Variants in PDE11A observed in about 807,000 individuals in gnomAD.
PDE11A encodes dual 3',5'-cyclic-AMP and -GMP phosphodiesterase 11A.
Under a neutral mutation model 100.5 loss-of-function variants are expected in PDE11A, and 100 were observed. The ratio of observed to expected loss-of-function variants is 1.00; its 90% CI spans 0.85 to 1.18. PDE11A has a LOEUF of 1.18. Among genes scored for constraint, PDE11A ranks in the 50% most tolerant of loss-of-function variants. The pLI is 0.00. For synonymous variants in PDE11A, 381 were observed against 420.8 expected (o/e 0.91, Z 1.16); for missense variants, 1,141 against 1,152.6 (o/e 0.99, Z 0.15).
At chr2:177,966,037 AGT>A (rs1433965330) in intron 2 of PDE11A, among the ~76,000 whole-genome samples, 4 of 152,144 alleles carry the variant, frequency 2.6e-5, no homozygotes, top group Non-Finnish European at 5.9e-5. Context: ...TTTTTTCAGC[AGT>A]GTTTCGTAAT....
chr2:178,016,041 T>C (rs1460030916), intron 1 of PDE11A, among the ~76,000 whole-genome samples: 1 of 151,598 alleles, frequency 6.6e-6, no homozygotes, highest in Non-Finnish European at 1.5e-5. Context: ...CTCGGTTCAC[T>C]GCAACCTCCA....
chr2:177,821,485 T>C (rs1387050182), intron 6 of PDE11A, among the ~76,000 whole-genome samples: 1 of 151,898 alleles, frequency 6.6e-6, no homozygotes, highest in Non-Finnish European at 1.5e-5. Context: ...GATAGGCATA[T>C]ACTTATAATA....
At chr2:177,918,328 A>C (rs2695115) in intron 2 of PDE11A, among the ~76,000 whole-genome samples, 1 of 152,192 alleles carries the variant, frequency 6.6e-6, no homozygotes. Flanking sequence ...TATTCAGTCT[A>C]TCTGCAACAG....
intron 2 of PDE11A, among the ~76,000 whole-genome samples, chr2:177,935,972 C>T (rs13411527): frequency 0.086 from 13,157 of 152,240 alleles, 537 homozygotes; most frequent in South Asian, 0.099. Flanking sequence ...CTCCTCAACA[C>T]ACGTTGTCTC....
At chr2:177,876,287 C>G (rs1574242581) in intron 4 of PDE11A, among the ~76,000 whole-genome samples, 1 of 123,402 alleles carries the variant, frequency 8.1e-6, no homozygotes, top group Admixed American at 7.3e-5. Flanking sequence ...CAGGTAGGGA[C>G]AGAACACCCC....
At chr2:177,981,926 G>GA (rs1339896885) in intron 2 of PDE11A, among the ~76,000 whole-genome samples, 1 of 150,832 alleles carries the variant, frequency 6.6e-6, no homozygotes, top group African/African-American at 2.4e-5. Context: ...GCTGAATCCG[G>GA]AAAGGCAGGA....
chr2:177,776,508 A>G (rs900531191), intron 9 of PDE11A, among the ~76,000 whole-genome samples: 6 of 152,184 alleles, frequency 3.9e-5, no homozygotes, highest in Non-Finnish European at 7.3e-5. Flanking sequence ...ATTTTCAGCA[A>G]TGCTACTATT....
At chr2:177,990,765 G>A (rs930368167) in intron 2 of PDE11A, among the ~76,000 whole-genome samples, 4 of 141,442 alleles carry the variant, frequency 2.8e-5, no homozygotes, top group Admixed American at 1.4e-4. Flanking sequence ...AAAAAAAGGC[G>A]GAGGGTAGCG....
intron 17 of PDE11A, 25 bp downstream of exon 17, chr2:177,675,430 A>G (rs747023720): frequency 6.3e-7 from 1 of 1,578,598 alleles, no homozygotes; most frequent in Non-Finnish European, 8.7e-7. Context: ...TCCTCTGCTG[A>G]GCCCTGCCAT....
chr2:177,692,099 T>G (rs1043367402), intron 15 of PDE11A, among the ~76,000 whole-genome samples: 4 of 152,192 alleles, frequency 2.6e-5, no homozygotes, highest in Non-Finnish European at 5.9e-5. Context: ...TCTTTTAGGT[T>G]GACATTAATA....
intron 10 of PDE11A, among the ~76,000 whole-genome samples, chr2:177,758,296 CAAAAA>C (rs78765770): frequency 1.5e-5 from 1 of 65,014 alleles, no homozygotes; most frequent in Non-Finnish European, 3.2e-5. Flanking sequence ...GACTCCGTCT[CAAAAA>C]AAAAAAAAAA....
chr2:177,759,162 T>C (rs903947006), intron 10 of PDE11A, among the ~76,000 whole-genome samples: 3 of 143,282 alleles, frequency 2.1e-5, no homozygotes, highest in Admixed American at 2.1e-4. Context: ...TCCCGTTAAG[T>C]TGGAGCACGT....
intron 2 of PDE11A, among the ~76,000 whole-genome samples, chr2:177,926,367 G>A (rs2085124417): frequency 1.3e-5 from 2 of 152,102 alleles, no homozygotes; most frequent in Non-Finnish European, 2.9e-5. Context: ...AGCTTCAGAT[G>A]TTCTTATCTG....
intron 2 of PDE11A, among the ~76,000 whole-genome samples, chr2:177,931,924 A>T (rs967651562): frequency 6.6e-6 from 1 of 151,362 alleles, no homozygotes; most frequent in African/African-American, 2.4e-5. Context: ...AAAAAAAAAA[A>T]AAAAAAGAAA....
At chr2:177,791,413 G>T (rs1319121426) in intron 9 of PDE11A, among the ~76,000 whole-genome samples, 1 of 147,594 alleles carries the variant, frequency 6.8e-6, no homozygotes, top group African/African-American at 2.5e-5. Flanking sequence ...GGGAGGGATA[G>T]CATTAGGAGA....
chr2:177,920,722 A>G (rs1180771792), intron 2 of PDE11A, among the ~76,000 whole-genome samples: 1 of 152,160 alleles, frequency 6.6e-6, no homozygotes, highest in African/African-American at 2.4e-5. Flanking sequence ...TTATACTTAA[A>G]AATAGTGAAG....
intron 5 of PDE11A, among the ~76,000 whole-genome samples, chr2:177,858,390 C>G (rs996450312): frequency 1.4e-5 from 2 of 143,974 alleles, no homozygotes; most frequent in Admixed American, 1.4e-4. Flanking sequence ...TTAACTCAAA[C>G]AAATTTACAA....
chr2:177,686,794 C>G (rs2080958738), intron 15 of PDE11A: 2 of 144,208 alleles, frequency 1.4e-5, no homozygotes, highest in African/African-American at 2.5e-5. Context: ...ACTGCAACCT[C>G]TGCCTCCTGG....
intron 12 of PDE11A, among the ~76,000 whole-genome samples, chr2:177,722,919 C>T (rs1160714836): frequency 6.6e-6 from 1 of 152,004 alleles, no homozygotes; most frequent in Non-Finnish European, 1.5e-5. Context: ...AATATGATTA[C>T]TGTTTATTAA....
Sources: gnomAD v4.1 joint callset for allele counts (sites outside exome capture counted in the v4.1 genomes callset) on GRCh38, gnomAD v4.1.1 for gene constraint, MANE v1.5 for transcripts, NCBI Gene and HGNC (gene_info 2026-07-23, HGNC 2026-07-21) for gene names.